The following SESN3 variants were observed in gnomAD, a reference collection of about 807,000 sequenced individuals.
SESN3 encodes the protein sestrin-3.
In SESN3, 21 loss-of-function variants were observed where a neutral mutation model predicts 55.3. That is an observed-to-expected ratio of 0.38 (90% CI 0.27 to 0.55). The LOEUF (loss-of-function observed/expected upper bound fraction) is 0.55. SESN3 is among the 20% of genes least tolerant of loss of function. SESN3 has a pLI of 0.76. For missense variants in SESN3, 408 were observed against 604.3 expected, an observed-to-expected ratio of 0.68 and a Z score of 3.41; for synonymous variants, 181 against 203.1, an observed-to-expected ratio of 0.89 and a Z score of 0.93.
In SESN3 at chr11:95,191,480, A is replaced by C; in HGVS notation, c.266T>G (p.Phe89Cys). The change falls in exon 3 of 10, where the codon TTC (phenylalanine) becomes TGC (cysteine). Residue 89 changes from phenylalanine to cysteine, a missense_variant. Phe to Cys is a radical substitution (Grantham distance 205). Around this residue, in one of 4 missense-constraint regions of SESN3, gnomAD observed 107 missense variants for 211.3 expected, o/e 0.51. Transcript: ENST00000536441. The part of the protein sequence containing the change: ...MSLHTQYLES[F>C]LRSQFYMLRM... ...CAACATGTAAAACTGGCTCCGCAAGAAAGACTCCAGGTACTGAGTGTGTAA... is the reference window on the plus strand; with the variant it reads ...CAACATGTAAAACTGGCTCCGCAAGCAAGACTCCAGGTACTGAGTGTGTAA... 1 of 1,613,104 alleles carries C rather than the reference A, an allele frequency of 6.2e-7. No homozygotes were observed. Among genetic ancestry groups the C allele is most frequent in the Non-Finnish European group, 8.5e-7 (1 of 1,179,344 alleles).
intron 1 of SESN3, among the ~76,000 whole-genome samples, chr11:95,207,810 TCTATA>T (rs1343878478): frequency 6.6e-6 from 1 of 151,262 alleles, no homozygotes; most frequent in East Asian, 1.9e-4. Flanking sequence ...TCTTCAATGT[TCTATA>T]CTATATGTTT....
chr11:95,176,417 A>ATTGAG (rs752890004), intron 8 of SESN3, among the ~76,000 whole-genome samples: 1 of 152,218 alleles, frequency 6.6e-6, no homozygotes, highest in Admixed American at 6.5e-5. Context: ...TTCAATGCTG[A>ATTGAG]TGGGAAAGAT....
At position 95,169,787 on chromosome 11, in the gene SESN3, CTT is replaced by C. The variant is rs1346787552; in HGVS notation, c.*3466_*3467del. ...CTAAGATTTTGGATTTAAAAAAAAACTTTATAAGGGGGAAAAGGAAAAAGTTG... is the reference window on the plus strand; with the variant it reads ...CTAAGATTTTGGATTTAAAAAAAAACTATAAGGGGGAAAAGGAAAAAGTTG... On this transcript the variant is annotated 3_prime_UTR_variant, in exon 10 of 10. Coordinates refer to ENST00000536441, the MANE Select transcript of SESN3 (RefSeq NM_144665.4). The C allele has an allele frequency of 1.3e-5, 2 of 151,746 alleles. No homozygotes were observed. The highest frequency in any genetic ancestry group is 6.6e-5 in the Admixed American group (1 of 15,196). The allele number at this position is 151,746 out of a possible 1,614,324, so 9.4% of individuals were successfully genotyped here.
chr11:95,183,366 G>T (rs1353699042), intron 6 of SESN3, among the ~76,000 whole-genome samples: 2 of 152,050 alleles, frequency 1.3e-5, no homozygotes, highest in Non-Finnish European at 2.9e-5. Context: ...ATCATCAGGA[G>T]AAATGATAAA....
Position 95,173,144 on chromosome 11 carries a change from C to A in SESN3, c.*111G>T. 6 of 546,880 alleles carry A rather than the reference C, an allele frequency of 1.1e-5. No homozygotes were observed. Among genetic ancestry groups the A allele is most frequent in the Admixed American group, 2.9e-5 (1 of 34,806 alleles). 33.9% of individuals were successfully genotyped at this position (546,880 alleles called of 1,614,324 possible). On this transcript the variant is annotated 3_prime_UTR_variant, in exon 10 of 10. Coordinates refer to ENST00000536441, the MANE Select transcript of SESN3 (RefSeq NM_144665.4). ...AAAAAAAAAAAAACAAACGGCTAAA[C>A]TTTGACACTAGAGAACTGAATAATT...
chr11:95,173,278 C>A lies in SESN3; in HGVS notation c.1456G>T (p.Ala486Ser). 6.3e-7 allele frequency: 1 copy of A among 1,580,656 alleles called. No homozygotes were observed. The highest frequency in any genetic ancestry group is 8.7e-7 in the Non-Finnish European group (1 of 1,154,456). ...CTTCAGGTCAAATGCCGAGTTATGG[C>A]ACGAAGAGCATAAAGAAGTTCAGCT... ...MQAELLYALR[A>S]ITRHLT Residue 486 changes from alanine (A) to serine (S), a missense_variant, in exon 10 of 10, where the codon GCC becomes TCC. Around this residue, in one of 4 missense-constraint regions of SESN3, gnomAD observed 121 missense variants for 204.9 expected, o/e 0.59. Coordinates refer to ENST00000536441, the MANE Select transcript of SESN3 (RefSeq NM_144665.4).
intron 6 of SESN3, among the ~76,000 whole-genome samples, chr11:95,179,841 C>T (rs1860027955): frequency 6.6e-6 from 1 of 152,014 alleles, no homozygotes; most frequent in African/African-American, 2.4e-5. Context: ...TAGAATATTA[C>T]CAAAGTGGCA....
Position 95,166,636 on chromosome 11 carries a change from G to A in SESN3, c.*6619C>T, listed in dbSNP as rs575985669. The A allele has an allele frequency of 6.6e-6, 1 of 152,292 alleles. No individual in the cohort carries two copies. Among genetic ancestry groups the A allele is most frequent in the South Asian group, 2.1e-4 (1 of 4,834 alleles). The allele number at this position is 152,292 out of a possible 1,614,324, so 9.4% of individuals were successfully genotyped here. The stretch of plus-strand genomic sequence containing the variant: ...GTCCAGTTCTTCCATGACCAGGAAA[G>A]TTATTTTCAGGCTTAAAGGAGCTAA... On this transcript the variant is annotated 3_prime_UTR_variant, in exon 10 of 10. Transcript: ENST00000536441.
intron 3 of SESN3, among the ~76,000 whole-genome samples, chr11:95,190,389 G>T (rs962955720): frequency 6.6e-6 from 1 of 151,834 alleles, no homozygotes; most frequent in Admixed American, 6.6e-5. Flanking sequence ...TGTGACTGCA[G>T]TCATATTTGT....
At chr11:95,204,326 C>T (rs751408760) in intron 1 of SESN3, among the ~76,000 whole-genome samples, 1 of 151,986 alleles carries the variant, frequency 6.6e-6, no homozygotes, top group East Asian at 1.9e-4. Flanking sequence ...ACAATTATTA[C>T]AACAAAGTTT....
chr11:95,196,789 G>C (rs911746832), intron 1 of SESN3, among the ~76,000 whole-genome samples: 2 of 152,170 alleles, frequency 1.3e-5, no homozygotes. Flanking sequence ...CAGTTCTACC[G>C]GACAGTGCTG....
At chr11:95,201,458 A>G (rs1429420474) in intron 1 of SESN3, 2 of 152,110 alleles carry the variant, frequency 1.3e-5, no homozygotes, top group Admixed American at 6.6e-5. Context: ...TGAGCTTCCA[A>G]ATAAGCTTTT....
At chr11:95,174,781 C>G (rs1479162725) in intron 9 of SESN3, among the ~76,000 whole-genome samples, 1 of 152,158 alleles carries the variant, frequency 6.6e-6, no homozygotes, top group South Asian at 2.1e-4. Context: ...GCCACTGCAC[C>G]CAGCCACTAT....
chr11:95,186,183 T>C lies in SESN3; in HGVS notation c.526-691A>G, dbSNP rs1008044886. 3.4e-4 allele frequency among the ~76,000 whole-genome samples: 50 copies of C among 145,364 alleles called. 1 individual carries two copies. The highest frequency in any genetic ancestry group is 1.3e-3 in the African/African-American group (50 of 39,304). Reference sequence around the variant, plus strand: ...TTCATTTTCTCTCCCTTTCTCTCTCTCTATCTCTCACTGTGTGTGTGTGTG... The same window carrying C: ...TTCATTTTCTCTCCCTTTCTCTCTCCCTATCTCTCACTGTGTGTGTGTGTG... On this transcript the variant is annotated intron_variant, in intron 4 of 9. Coordinates refer to ENST00000536441, the MANE Select transcript of SESN3 (RefSeq NM_144665.4).
chr11:95,199,509 TA>T (rs944426061), intron 1 of SESN3, among the ~76,000 whole-genome samples: 7 of 152,030 alleles, frequency 4.6e-5, no homozygotes, highest in African/African-American at 1.2e-4. Flanking sequence ...AGCAACTTAT[TA>T]GATCCCTTTA....
At chr11:95,192,346 T>C (rs1221743196) in intron 2 of SESN3, among the ~76,000 whole-genome samples, 1 of 152,100 alleles carries the variant, frequency 6.6e-6, no homozygotes, top group Non-Finnish European at 1.5e-5. Flanking sequence ...TAAGAGTTTA[T>C]TAGCACCTTG....
intron 1 of SESN3, among the ~76,000 whole-genome samples, chr11:95,217,514 C>T (rs1428173157): frequency 1.3e-5 from 2 of 151,462 alleles, no homozygotes; most frequent in African/African-American, 2.4e-5. Context: ...TAGCCGGGCA[C>T]GGTGGTGGGC....
At chr11:95,189,756 T>C (rs571553926) in intron 4 of SESN3, 23 bp downstream of exon 4, 100 of 1,556,506 alleles carry the variant, frequency 6.4e-5, no homozygotes, top group Non-Finnish European at 8.6e-5. Flanking sequence ...AATTCCTTTT[T>C]ATTTCAAAGA....
chr11:95,231,043 C>A lies in SESN3; in HGVS notation c.-183G>T. The A allele has an allele frequency of 4.9e-6, 2 of 410,474 alleles. No homozygotes were observed. The highest frequency in any genetic ancestry group is 9.1e-5 in the South Asian group (1 of 11,026). 25.4% of individuals were successfully genotyped at this position (410,474 alleles called of 1,614,324 possible). ...TAGCGGCACTGCCAGAGGCGACCAC[C>A]GCGGCAGCTGCCCCAGCGACGGCGG... On this transcript the variant is annotated 5_prime_UTR_variant, in exon 1 of 10. Coordinates refer to ENST00000536441, the MANE Select transcript of SESN3 (RefSeq NM_144665.4).
Sources: gnomAD v4.1 joint callset for allele counts (sites outside exome capture counted in the v4.1 genomes callset) on GRCh38, gnomAD v4.1.1 for gene constraint, gnomAD v4.1.1 regional missense constraint, MANE v1.5 for transcripts, NCBI Gene and HGNC (gene_info 2026-07-23, HGNC 2026-07-21) for gene names.